The following LY86 variants were observed in gnomAD, a reference collection of about 807,000 sequenced individuals.
LY86 encodes MD-1, RP105-associated.
In LY86, 20 loss-of-function variants were observed where a neutral mutation model predicts 17.3. The ratio of observed to expected loss-of-function variants is 1.15; its 90% CI spans 0.81 to 1.68. The LOEUF is 1.68. LY86 is among the 40% of genes most tolerant of loss of function. The probability of loss-of-function intolerance (pLI) is 0.00; values close to 1 mark genes in which losing one functional copy is unlikely to be tolerated. For missense variants in LY86, 200 were observed against 191.9 expected (o/e 1.04, Z -0.25); for synonymous variants, 74 against 70.6 (o/e 1.05, Z -0.24).
chr6:6,603,035 T>G (rs1760961747), intron 1 of LY86, among the ~76,000 whole-genome samples: 1 of 151,974 alleles, frequency 6.6e-6, no homozygotes, highest in Non-Finnish European at 1.5e-5. Context: ...TGACAAGAGG[T>G]TCAGTGTCTA....
At chr6:6,629,986 G>A (rs1395941766) in intron 3 of LY86, among the ~76,000 whole-genome samples, 1 of 152,204 alleles carries the variant, frequency 6.6e-6, no homozygotes, top group Admixed American at 6.5e-5. Flanking sequence ...CTATAAAAGT[G>A]TAGTCACTGT....
chr6:6,650,354 T>TGA (rs1554126943), intron 4 of LY86, among the ~76,000 whole-genome samples: 104 of 151,336 alleles, frequency 6.9e-4, no homozygotes, highest in African/African-American at 1.9e-3. Context: ...TTTTTTTTTT[T>TGA]GAGAGAGTCT....
intron 3 of LY86, among the ~76,000 whole-genome samples, chr6:6,644,038 T>C (rs1346975307): frequency 6.6e-6 from 1 of 152,250 alleles, no homozygotes; most frequent in Non-Finnish European, 1.5e-5. Flanking sequence ...CTCTTGAGCA[T>C]TTTTATACTG....
At chr6:6,602,598 TGAA>T (rs1361125215) in intron 1 of LY86, among the ~76,000 whole-genome samples, 1 of 151,626 alleles carries the variant, frequency 6.6e-6, no homozygotes, top group Non-Finnish European at 1.5e-5. Flanking sequence ...ACCAGGAGAG[TGAA>T]GAAGCGAGAC....
At position 6,632,021 on chromosome 6, in the gene LY86, G is replaced by T. The variant is rs1461288672; in HGVS notation, c.352+5600G>T. Among the ~76,000 whole-genome samples the T allele has an allele frequency of 2.6e-5, 4 of 152,334 alleles. No individual in the cohort carries two copies. The East Asian group carries it at 7.7e-4, about 29-fold the overall frequency. On this transcript the variant is annotated intron_variant, in intron 3 of 4. Coordinates refer to ENST00000230568, the MANE Select transcript of LY86 (RefSeq NM_004271.4). ...TGAACCACTGCTAGAAGGTAAGTCA[G>T]AATCCAGGGCTCTTAGCCAGAGTTA...
chr6:6,600,587 C>CAAAAAAAAAAAAAAAAAAAAA (rs59560744), intron 1 of LY86, among the ~76,000 whole-genome samples: 1 of 82,450 alleles, frequency 1.2e-5, no homozygotes, highest in African/African-American at 5.1e-5. Flanking sequence ...GAGACTCCAT[C>CAAAAAAAAAAAAAAAAAAAAA]AAAAAAAAAA....
At chr6:6,644,387 G>A (rs577468715) in intron 3 of LY86, among the ~76,000 whole-genome samples, 9 of 152,060 alleles carry the variant, frequency 5.9e-5, no homozygotes, top group Admixed American at 1.3e-4. Context: ...ATGGTGGCAC[G>A]CACTTGTAGT....
At chr6:6,607,460 A>G (rs1011059684) in intron 1 of LY86, among the ~76,000 whole-genome samples, 1 of 152,266 alleles carries the variant, frequency 6.6e-6, no homozygotes, top group Non-Finnish European at 1.5e-5. Context: ...CTAGAAATAA[A>G]GTATATGATT....
chr6:6,606,894 G>A (rs1012580384), intron 1 of LY86, among the ~76,000 whole-genome samples: 1 of 152,278 alleles, frequency 6.6e-6, no homozygotes, highest in African/African-American at 2.4e-5. Flanking sequence ...GCAGGCTGAA[G>A]GGCACCTCAA....
At chr6:6,606,038 C>T (rs189525196) in intron 1 of LY86, among the ~76,000 whole-genome samples, 41 of 152,352 alleles carry the variant, frequency 2.7e-4, no homozygotes, top group African/African-American at 6.3e-4. Flanking sequence ...CGTAATACTA[C>T]TCAAGCAGGT....
chr6:6,607,503 G>A (rs1761216780), intron 1 of LY86, among the ~76,000 whole-genome samples: 1 of 151,882 alleles, frequency 6.6e-6, no homozygotes, highest in Non-Finnish European at 1.5e-5. Flanking sequence ...AAAAACAAAA[G>A]AAAAAATTAA....
At chr6:6,618,305 A>G (rs995216025) in intron 1 of LY86, among the ~76,000 whole-genome samples, 2 of 152,252 alleles carry the variant, frequency 1.3e-5, no homozygotes, top group African/African-American at 4.8e-5. Flanking sequence ...TAGAAAAGCC[A>G]TCTCCTCCTA....
At chr6:6,612,477 A>G (rs1025238616) in intron 1 of LY86, among the ~76,000 whole-genome samples, 1 of 152,088 alleles carries the variant, frequency 6.6e-6, no homozygotes, top group Admixed American at 6.5e-5. Context: ...AGCAATGCAG[A>G]CCCAAAGTGT....
At chr6:6,644,301 A>T (rs1762080259) in intron 3 of LY86, among the ~76,000 whole-genome samples, 1 of 152,176 alleles carries the variant, frequency 6.6e-6, no homozygotes, top group South Asian at 2.1e-4. Flanking sequence ...AGGTGGGTGA[A>T]TCACTTGAGC....
chr6:6,611,683 G>T (rs185784892), intron 1 of LY86, among the ~76,000 whole-genome samples: 1 of 152,198 alleles, frequency 6.6e-6, no homozygotes, highest in African/African-American at 2.4e-5. Flanking sequence ...GCTACGCTGC[G>T]CGCCGGTCGT....
intron 1 of LY86, among the ~76,000 whole-genome samples, chr6:6,611,077 A>G (rs1761320011): frequency 1.3e-5 from 2 of 152,178 alleles, no homozygotes; most frequent in Non-Finnish European, 2.9e-5. Flanking sequence ...GCCGTGTCTG[A>G]GCAAACACCA....
At chr6:6,624,783 T>C (rs192121282) in intron 1 of LY86, 143 bp from the exon 2 acceptor site, 3 of 566,014 alleles carry the variant, frequency 5.3e-6, no homozygotes, top group African/African-American at 3.9e-5. Context: ...GAAAATATCA[T>C]GGGCTTATTT....
chr6:6,613,537 C>T (rs1009952385), intron 1 of LY86, among the ~76,000 whole-genome samples: 1 of 152,176 alleles, frequency 6.6e-6, no homozygotes, highest in African/African-American at 2.4e-5. Flanking sequence ...GCCGGCCGCT[C>T]CGAGTGCGGG....
intron 3 of LY86, among the ~76,000 whole-genome samples, chr6:6,636,422 T>C (rs553381735): frequency 1.3e-5 from 2 of 152,314 alleles, no homozygotes; most frequent in Admixed American, 1.3e-4. Context: ...AAGTGATCCA[T>C]GGCAGCAACT....
Sources: gnomAD v4.1 joint callset for allele counts (sites outside exome capture counted in the v4.1 genomes callset) on GRCh38, gnomAD v4.1.1 for gene constraint, MANE v1.5 for transcripts, NCBI Gene and HGNC (gene_info 2026-07-23, HGNC 2026-07-21) for gene names.